Variants in SHQ1 observed in about 807,000 individuals in gnomAD.
SHQ1 encodes the protein SHQ1, H/ACA ribonucleoprotein assembly factor.
SHQ1 carries 49 observed loss-of-function variants against 53.8 expected under a neutral mutation model. That is an observed-to-expected ratio of 0.91 (90% CI 0.72 to 1.16). SHQ1 has a LOEUF of 1.16. SHQ1 is among the 50% of genes most tolerant of loss of function. SHQ1 has a pLI of 0.00. For synonymous variants in SHQ1, 243 were observed against 251.0 expected, an observed-to-expected ratio of 0.97 and a Z score of 0.30; for missense variants, 738 against 683.1, an observed-to-expected ratio of 1.08 and a Z score of -0.90.
Position 72,815,370 on chromosome 3 carries a change from G to A in SHQ1, c.916C>T (p.Pro306Ser). 6.2e-7 allele frequency: 1 copy of A among 1,613,434 alleles called. No individual in the cohort carries two copies. The highest frequency in any genetic ancestry group is 8.5e-7 in the Non-Finnish European group (1 of 1,179,708). The change falls in exon 8 of 11, where the codon CCA (proline) becomes TCA (serine). Residue 306 changes from proline to serine, a missense_variant. Transcript: ENST00000325599. ...ESAWNIRKLS[P>S]TLCWFETWTN... Reference sequence around the variant, plus strand: ...CATACCTCAAACCAGCATAGTGTTGGACTCAGTTTCCTGATATTCCATGCA... The same window carrying A: ...CATACCTCAAACCAGCATAGTGTTGAACTCAGTTTCCTGATATTCCATGCA...
chr3:72,778,979 C>T (rs1706018102), intron 10 of SHQ1, among the ~76,000 whole-genome samples: 1 of 152,200 alleles, frequency 6.6e-6, no homozygotes, highest in Non-Finnish European at 1.5e-5. Context: ...AGTCAGGCTA[C>T]ACTCACGCCT....
intron 10 of SHQ1, among the ~76,000 whole-genome samples, chr3:72,783,363 CTT>C (rs796866861): frequency 0.013 from 1,722 of 129,068 alleles, 23 homozygotes; most frequent in African/African-American, 0.047. Flanking sequence ...TTTTTATACA[CTT>C]TTTTTTTTTT....
chr3:72,769,861 A>G (rs1207991018), intron 10 of SHQ1, among the ~76,000 whole-genome samples: 2 of 152,190 alleles, frequency 1.3e-5, no homozygotes, highest in African/African-American at 4.8e-5. Context: ...GACCACAGCA[A>G]GGAGGTTAAG....
At chr3:72,751,501 T>C (rs1427878326) in intron 10 of SHQ1, among the ~76,000 whole-genome samples, 14 of 127,226 alleles carry the variant, frequency 1.1e-4, no homozygotes, top group Non-Finnish European at 1.4e-4. Context: ...TGTGTGTGTG[T>C]GTGTGTGTAT....
At chr3:72,819,575 G>A (rs887124963) in intron 6 of SHQ1, among the ~76,000 whole-genome samples, 1 of 152,026 alleles carries the variant, frequency 6.6e-6, no homozygotes, top group African/African-American at 2.4e-5. Flanking sequence ...CATAAACAAA[G>A]GTCCTCATCC....
intron 5 of SHQ1, among the ~76,000 whole-genome samples, chr3:72,828,146 C>T (rs1164912299): frequency 1.3e-5 from 2 of 152,208 alleles, no homozygotes; most frequent in Non-Finnish European, 2.9e-5. Context: ...GTAAAACTCA[C>T]TTCTGCCCTT....
intron 10 of SHQ1, among the ~76,000 whole-genome samples, chr3:72,778,205 C>T (rs1028939879): frequency 1.3e-5 from 2 of 152,094 alleles, no homozygotes; most frequent in Non-Finnish European, 2.9e-5. Flanking sequence ...AATCGATCCA[C>T]TTTGAGCACT....
At chr3:72,833,338 G>A (rs1707878648) in intron 4 of SHQ1, among the ~76,000 whole-genome samples, 1 of 152,152 alleles carries the variant, frequency 6.6e-6, no homozygotes, top group South Asian at 2.1e-4. Context: ...CTACAAGGGA[G>A]GCTGAGGTGG....
At chr3:72,802,597 T>A (rs1194533853) in intron 9 of SHQ1, among the ~76,000 whole-genome samples, 1 of 152,208 alleles carries the variant, frequency 6.6e-6, no homozygotes, top group Non-Finnish European at 1.5e-5. Context: ...AACTCTTTTA[T>A]ATTCCTTTTT....
intron 10 of SHQ1, among the ~76,000 whole-genome samples, chr3:72,754,915 T>C (rs1463743612): frequency 6.6e-6 from 1 of 152,238 alleles, no homozygotes; most frequent in Non-Finnish European, 1.5e-5. Flanking sequence ...CTGAATATAT[T>C]AAACATGCCA....
chr3:72,751,508 G>GTGTGTGTA (rs1210782182), intron 10 of SHQ1, among the ~76,000 whole-genome samples: 17 of 116,982 alleles, frequency 1.5e-4, no homozygotes, highest in African/African-American at 5.3e-4. Context: ...GTGTGTGTGT[G>GTGTGTGTA]TATATATATA....
At chr3:72,813,669 G>A (rs1293492753) in intron 8 of SHQ1, among the ~76,000 whole-genome samples, 3 of 149,686 alleles carry the variant, frequency 2.0e-5, no homozygotes, top group Non-Finnish European at 3.0e-5. Context: ...GCTGAGGCAG[G>A]AGAATGGCGT....
At chr3:72,794,681 G>C (rs749205059) in intron 9 of SHQ1, 10 of 152,160 alleles carry the variant, frequency 6.6e-5, no homozygotes, top group Non-Finnish European at 1.2e-4. Context: ...CTTTCATGGA[G>C]TCTCTTCCCT....
chr3:72,771,526 G>A (rs1206098833), intron 10 of SHQ1, among the ~76,000 whole-genome samples: 1 of 152,214 alleles, frequency 6.6e-6, no homozygotes. Context: ...GTGATAAGCA[G>A]ATGACTGACA....
At chr3:72,796,101 C>CAAAAAAAAAAAAA (rs555086403) in intron 9 of SHQ1, among the ~76,000 whole-genome samples, 5 of 40,520 alleles carry the variant, frequency 1.2e-4, no homozygotes, top group African/African-American at 2.1e-4. Flanking sequence ...GACTCCATCT[C>CAAAAAAAAAAAAA]AAAAAAAAAA....
chr3:72,745,131 GAT>G (rs1705236123), downstream of SHQ1, among the ~76,000 whole-genome samples: 1 of 150,434 alleles, frequency 6.6e-6, no homozygotes, highest in African/African-American at 2.4e-5. Flanking sequence ...TAACAAAGTA[GAT>G]ATCCAGGAGT....
intron 9 of SHQ1, among the ~76,000 whole-genome samples, chr3:72,800,312 C>T (rs905581843): frequency 6.6e-6 from 1 of 152,172 alleles, no homozygotes; most frequent in African/African-American, 2.4e-5. Context: ...TACAGCAGCA[C>T]GAAACAGACG....
Position 72,812,694 on chromosome 3 carries a change from T to C in SHQ1, c.1037A>G (p.Asp346Gly). The C allele has an allele frequency of 1.9e-6, 3 of 1,614,108 alleles. No homozygotes were observed. The highest frequency in any genetic ancestry group is 2.5e-6 in the Non-Finnish European group (3 of 1,179,990). Residue 346 changes from aspartate (D) to glycine (G), a missense_variant, in exon 9 of 11, where the codon GAC becomes GGC. By Grantham distance (94) the Asp-to-Gly change is moderately conservative (BLOSUM62 -1). Transcript: ENST00000325599. The part of the protein sequence containing the change: ...HFKLVMKAYR[D>G]TIKILQLGKS... ...ACCCAGTTGCAATATCTTTATAGTG[T>C]CCCTGTAGGCCTTCATCACCAGCTT...
intron 10 of SHQ1, among the ~76,000 whole-genome samples, chr3:72,776,217 A>G (rs1037853834): frequency 1.3e-5 from 2 of 152,264 alleles, no homozygotes; most frequent in Non-Finnish European, 2.9e-5. Flanking sequence ...ATTTCTATAC[A>G]CATTAATGTG....
Sources: gnomAD v4.1 joint callset for allele counts (sites outside exome capture counted in the v4.1 genomes callset) on GRCh38, gnomAD v4.1.1 for gene constraint, MANE v1.5 for transcripts, NCBI Gene and HGNC (gene_info 2026-07-23, HGNC 2026-07-21) for gene names.